The following ZFAT variants were observed in gnomAD, a reference collection of about 807,000 sequenced individuals.
The protein encoded by ZFAT is zinc finger and AT-hook domain containing.
Under a neutral mutation model 117.7 loss-of-function variants are expected in ZFAT, and 64 were observed. The ratio of observed to expected loss-of-function variants is 0.54; its 90% confidence interval spans 0.44 to 0.67. ZFAT has a LOEUF of 0.67. Ranked by LOEUF, ZFAT falls within the 30% of genes least tolerant of loss-of-function variation. ZFAT has a pLI of 0.00. For synonymous variants in ZFAT, 679 were observed against 615.0 expected (o/e 1.10, Z -1.54); for missense variants, 1,433 against 1,584.5 (o/e 0.90, Z 1.62).
intron 2 of ZFAT, among the ~76,000 whole-genome samples, chr8:134,650,661 C>T (rs1332078282): frequency 6.6e-6 from 1 of 152,132 alleles, no homozygotes. Context: ...TCAAAACTTA[C>T]TACAGTTACA....
rs372208467 is a variant in ZFAT, at chr8:134,684,356, G to C, written c.20-26619C>G. 1.2e-3 allele frequency among the ~76,000 whole-genome samples: 176 copies of C among 152,282 alleles called. 1 individual carries two copies. The Middle Eastern group carries it at 0.024, about 21-fold the overall frequency. ...TTAAATTTAAAAAAACACTTACATG[G>C]GTGTTAGAAATAAAGCGATAGCAAG... On this transcript the variant is annotated intron_variant, in intron 1 of 15. Transcript: ENST00000377838.
chr8:134,719,453 C>T, the ZFAT span, among the ~76,000 whole-genome samples: 6 of 152,188 alleles, frequency 3.9e-5, no homozygotes, highest in African/African-American at 9.7e-5. Flanking sequence ...CCAGCAGCAG[C>T]AGCAGCGAGG....
chr8:134,610,793 C>T (rs148006829), intron 3 of ZFAT, 138 bp from the exon 4 acceptor site: 1 of 930,378 alleles, frequency 1.1e-6, no homozygotes, highest in African/African-American at 1.7e-5. Flanking sequence ...CACGGAATCA[C>T]TGTAGGTACC....
the ZFAT span, among the ~76,000 whole-genome samples, chr8:134,813,400 C>T: frequency 6.6e-6 from 1 of 152,116 alleles, no homozygotes; most frequent in South Asian, 2.1e-4. Context: ...CATTAGATTG[C>T]TAAAGCTATT....
rs140858372 is a variant in ZFAT, at chr8:134,553,450, C to T, written c.2976+11883G>A. 2.8e-3 allele frequency among the ~76,000 whole-genome samples: 429 copies of T among 152,276 alleles called. 3 individuals are homozygous for T. Among genetic ancestry groups the T allele is most frequent in the African/African-American group, 9.8e-3 (407 of 41,546 alleles). On this transcript the variant is annotated intron_variant, in intron 11 of 15. Coordinates refer to ENST00000377838, the MANE Select transcript of ZFAT (RefSeq NM_020863.4). ...CATGGGTGGCAGAAGTTTCAGCGAG[C>T]CGAGATCGCGCCACTGCACTACAGC... is the stretch of plus-strand genomic sequence containing the variant.
chr8:134,559,946 T>G (rs1275879441), intron 11 of ZFAT, among the ~76,000 whole-genome samples: 1 of 152,154 alleles, frequency 6.6e-6, no homozygotes, highest in Non-Finnish European at 1.5e-5. Flanking sequence ...CATATGAAAA[T>G]AAAAATAATT....
At chr8:134,537,188 C>A (rs1197801315) in intron 11 of ZFAT, among the ~76,000 whole-genome samples, 1 of 152,212 alleles carries the variant, frequency 6.6e-6, no homozygotes, top group Non-Finnish European at 1.5e-5. Context: ...CAATTATTAT[C>A]CTCATTTTTA....
intron 11 of ZFAT, among the ~76,000 whole-genome samples, chr8:134,563,703 T>C (rs1433425312): frequency 6.6e-6 from 1 of 152,208 alleles, no homozygotes; most frequent in Non-Finnish European, 1.5e-5. Flanking sequence ...ATATGTACCA[T>C]GAAGGAGATT....
chr8:134,479,950 C>A (rs957640793), intron 15 of ZFAT, among the ~76,000 whole-genome samples: 1 of 123,330 alleles, frequency 8.1e-6, no homozygotes, highest in African/African-American at 3.2e-5. Flanking sequence ...TTCAACCACA[C>A]TTTTTTTTTT....
At chr8:134,635,695 A>G (rs546295232) in intron 3 of ZFAT, among the ~76,000 whole-genome samples, 1 of 152,032 alleles carries the variant, frequency 6.6e-6, no homozygotes, top group Non-Finnish European at 1.5e-5. Context: ...ATGCACGCAC[A>G]AGAGGGTGGG....
chr8:134,683,496 T>C (rs900028701), intron 1 of ZFAT, among the ~76,000 whole-genome samples: 3 of 152,008 alleles, frequency 2.0e-5, no homozygotes, highest in Admixed American at 1.3e-4. Context: ...AAGAGGTTTG[T>C]CAGAAAAGGG....
At chr8:134,797,507 G>T in the ZFAT span, 2 of 152,010 alleles carry the variant, frequency 1.3e-5, no homozygotes, top group Non-Finnish European at 2.9e-5. Flanking sequence ...TTTGACAAAA[G>T]AAAAATACTG....
the ZFAT span, among the ~76,000 whole-genome samples, chr8:134,732,574 C>T: frequency 1.3e-5 from 2 of 152,212 alleles, no homozygotes; most frequent in African/African-American, 2.4e-5. Context: ...AAGGTACCTA[C>T]TCATCCAACT....
chr8:134,654,242 C>A (rs1219740032), intron 2 of ZFAT, among the ~76,000 whole-genome samples: 1 of 151,964 alleles, frequency 6.6e-6, no homozygotes, highest in Non-Finnish European at 1.5e-5. Context: ...TTGCAGTGAG[C>A]CAAGATCACG....
intron 14 of ZFAT, among the ~76,000 whole-genome samples, chr8:134,511,498 CA>C (rs1392634000): frequency 1.3e-5 from 2 of 152,192 alleles, no homozygotes; most frequent in African/African-American, 2.4e-5. Context: ...TTCCCTAAAC[CA>C]ACTGGCCCAC....
At chr8:134,639,535 G>C (rs1830463797) in intron 2 of ZFAT, among the ~76,000 whole-genome samples, 1 of 152,164 alleles carries the variant, frequency 6.6e-6, no homozygotes, top group Admixed American at 6.5e-5. Context: ...AGAAGGCCCT[G>C]GGAGCCCTCC....
chr8:134,694,012 T>C (rs1341344282), intron 1 of ZFAT, among the ~76,000 whole-genome samples: 1 of 152,110 alleles, frequency 6.6e-6, no homozygotes, highest in Admixed American at 6.5e-5. Context: ...CCAGGAAGCA[T>C]TACACACAGC....
rs570899124 is a variant in ZFAT, at chr8:134,601,611, T to C, written c.2108A>G (p.Lys703Arg). The C allele has an allele frequency of 9.3e-6, 15 of 1,614,208 alleles. No individual in the cohort carries two copies. The East Asian group carries it at 3.1e-4, about 34-fold the overall frequency. The change falls in exon 6 of 16, where the codon AAA becomes AGA. Residue 703 changes from lysine (K) to arginine (R), a missense_variant. Lys to Arg is a conservative substitution (Grantham distance 26). Around this residue, in one of 5 missense-constraint regions of ZFAT, gnomAD observed 372 missense variants for 355.6 expected, o/e 1.05. Coordinates refer to ENST00000377838, the MANE Select transcript of ZFAT (RefSeq NM_020863.4). ...DTITHQPDSC[K>R]AAPEHRSGIT... ...GCCTGACCGGTGCTCAGGGGCAGCT[T>C]TGCAAGAGTCAGGCTGATGTGTGAT...
At chr8:134,827,019 T>C in the ZFAT span, among the ~76,000 whole-genome samples, 1 of 152,188 alleles carries the variant, frequency 6.6e-6, no homozygotes, top group Non-Finnish European at 1.5e-5. Context: ...GGGTCACCCA[T>C]GACTAAAACT....
Sources: gnomAD v4.1 joint callset for allele counts (sites outside exome capture counted in the v4.1 genomes callset) on GRCh38, gnomAD v4.1.1 for gene constraint, gnomAD v4.1.1 regional missense constraint, MANE v1.5 for transcripts, NCBI Gene and HGNC (gene_info 2026-07-23, HGNC 2026-07-21) for gene names.